The following ZNF704 variants were observed in gnomAD, a reference collection of about 807,000 sequenced individuals.
The protein encoded by ZNF704 is glucocorticoid induced gene 1.
In ZNF704, 10 loss-of-function variants were observed where a neutral mutation model predicts 44.7. The ratio of observed to expected loss-of-function variants is 0.22; its 90% CI spans 0.14 to 0.38. The LOEUF is 0.38. Among genes scored for constraint, ZNF704 ranks in the 10% least tolerant of loss-of-function variants. ZNF704 has a pLI of 1.00. For synonymous variants in ZNF704, 211 were observed against 207.6 expected (o/e 1.02, Z -0.14); for missense variants, 390 against 545.5 (o/e 0.71, Z 2.84).
chr8:80,641,625 TG>T (rs1048780584), intron 8 of ZNF704, 148 bp from the exon 9 acceptor site: 1 of 478,394 alleles, frequency 2.1e-6, no homozygotes, highest in African/African-American at 2.0e-5. Context: ...CCCAGCACTT[TG>T]GGAGGCTGAG....
intron 2 of ZNF704, among the ~76,000 whole-genome samples, chr8:80,739,186 T>C (rs1806714345): frequency 6.6e-6 from 1 of 152,184 alleles, no homozygotes; most frequent in African/African-American, 2.4e-5. Context: ...ACATAATAAG[T>C]CATTTTCTCC....
At chr8:80,859,420 G>T (rs570217682) in intron 1 of ZNF704, among the ~76,000 whole-genome samples, 31 of 152,304 alleles carry the variant, frequency 2.0e-4, no homozygotes, top group Middle Eastern at 6.8e-3. Context: ...AATGTGTTGT[G>T]ATAGTGGGAA....
At chr8:80,861,089 G>C (rs1809053718) in intron 1 of ZNF704, among the ~76,000 whole-genome samples, 2 of 152,190 alleles carry the variant, frequency 1.3e-5, no homozygotes, top group South Asian at 4.1e-4. Context: ...CCACAAGACT[G>C]TCTAGTAGCA....
intron 2 of ZNF704, among the ~76,000 whole-genome samples, chr8:80,802,185 C>A (rs1485141067): frequency 6.9e-6 from 1 of 144,814 alleles, no homozygotes; most frequent in Admixed American, 6.9e-5. Flanking sequence ...GTAATAAACG[C>A]CTACCAACCA....
intron 2 of ZNF704, among the ~76,000 whole-genome samples, chr8:80,708,075 A>G (rs1039639153): frequency 2.6e-5 from 4 of 152,222 alleles, no homozygotes; most frequent in African/African-American, 9.6e-5. Flanking sequence ...CTGTCAGTTC[A>G]TACAGCTCTT....
In ZNF704 at chr8:80,628,788, C is replaced by G. The variant is rs1817541571; in HGVS notation, c.*12578G>C. 1 of 152,204 alleles carries G rather than the reference C, an allele frequency of 6.6e-6. No individual in the cohort carries two copies. The highest frequency in any genetic ancestry group is 6.5e-5 in the Admixed American group (1 of 15,290). The allele number at this position is 152,204 out of a possible 1,614,324, so 9.4% of individuals were successfully genotyped here. ...CTTCTACTTAAATGCTTCCAGAGGA[C>G]CAGTGTAGCAAATCCTTAACTCTGG... On this transcript the variant is annotated 3_prime_UTR_variant, in exon 9 of 9. Transcript: ENST00000327835.
intron 2 of ZNF704, among the ~76,000 whole-genome samples, chr8:80,819,606 C>CTATGA (rs1261149143): frequency 6.6e-6 from 1 of 151,126 alleles, no homozygotes; most frequent in Non-Finnish European, 1.5e-5. Context: ...TGTCAGTTTC[C>CTATGA]TATGAGACAA....
At chr8:80,835,693 A>G (rs1008368809) in intron 1 of ZNF704, among the ~76,000 whole-genome samples, 5 of 152,180 alleles carry the variant, frequency 3.3e-5, no homozygotes, top group African/African-American at 1.2e-4. Flanking sequence ...CTTTCAGCTT[A>G]ATTTTTTCCG....
At position 80,687,440 on chromosome 8, in the gene ZNF704, C is replaced by A. The variant is rs1373759503; in HGVS notation, c.344G>T (p.Trp115Leu). The change falls in exon 4 of 9, where the codon TGG becomes TTG. Residue 115 changes from tryptophan (W) to leucine (L), a missense_variant. Physicochemically the swap from Trp to Leu is moderately conservative, Grantham distance 61. Around this residue, in one of 3 missense-constraint regions of ZNF704, gnomAD observed 305 missense variants for 435.7 expected, o/e 0.70. Transcript: ENST00000327835. ...GGAAGGCACGCAGCCGCCCTCCTTCCAGGATCCGCTGAGGCTCTCTGCATG... is the reference window on the plus strand; with the variant it reads ...GGAAGGCACGCAGCCGCCCTCCTTCAAGGATCCGCTGAGGCTCTCTGCATG... ...VRPNESLSGS[W>L]KEGGCVPSST... is the part of the protein sequence containing the mutation. 21 of 1,576,830 alleles carry A rather than the reference C, an allele frequency of 1.3e-5. No homozygotes were observed. Among genetic ancestry groups the A allele is most frequent in the Non-Finnish European group, 1.8e-5 (21 of 1,163,182 alleles).
chr8:80,792,510 C>G (rs534571278), intron 2 of ZNF704, among the ~76,000 whole-genome samples: 59 of 152,254 alleles, frequency 3.9e-4, no homozygotes, highest in South Asian at 8.3e-4. Flanking sequence ...TAGTGACCTG[C>G]TTCTAGCAAA....
chr8:80,874,155 G>A lies in ZNF704; in HGVS notation c.-22+416C>T, dbSNP rs1446650153. Among the ~76,000 whole-genome samples, 1 of 146,670 alleles carries A rather than the reference G, an allele frequency of 6.8e-6. No individual in the cohort carries two copies. The highest frequency in any genetic ancestry group is 1.5e-5 in the Non-Finnish European group (1 of 65,868). ...GGGCCGGGGACTCGCGGCCGCAAGG[G>A]GCTGCAGGAGCCGCCGGCCAGGACC... On this transcript the variant is annotated intron_variant, in intron 1 of 8. Transcript: ENST00000327835. This position sits in a 1 kb window ranked among gnomAD's most constrained non-coding sequence, Gnocchi z 4.4.
chr8:80,718,602 C>A (rs993927321), intron 2 of ZNF704, among the ~76,000 whole-genome samples: 1 of 152,170 alleles, frequency 6.6e-6, no homozygotes, highest in Non-Finnish European at 1.5e-5. Context: ...CACGCCTGGG[C>A]TGGCTTGCTG....
chr8:80,881,492 A>G, the ZNF704 span, among the ~76,000 whole-genome samples: 2 of 152,322 alleles, frequency 1.3e-5, no homozygotes, highest in East Asian at 3.9e-4. Context: ...CTATTAATAC[A>G]TAGCGTAAAA....
intron 2 of ZNF704, among the ~76,000 whole-genome samples, chr8:80,707,617 C>T (rs906950957): frequency 6.6e-6 from 1 of 152,156 alleles, no homozygotes; most frequent in Non-Finnish European, 1.5e-5. Context: ...ATAAAAATGG[C>T]AATTTCATAT....
intron 4 of ZNF704, among the ~76,000 whole-genome samples, chr8:80,679,109 C>G (rs576902782): frequency 1.3e-5 from 2 of 152,100 alleles, no homozygotes; most frequent in African/African-American, 4.8e-5. Flanking sequence ...TAAGGCTCTA[C>G]GGGTTAGGGT....
intron 2 of ZNF704, among the ~76,000 whole-genome samples, chr8:80,778,734 T>C (rs1387634398): frequency 1.3e-5 from 2 of 152,184 alleles, no homozygotes; most frequent in Non-Finnish European, 2.9e-5. Context: ...GGGGCCATCA[T>C]CCTTAGCAAA....
At chr8:80,791,121 T>C (rs942705125) in intron 2 of ZNF704, among the ~76,000 whole-genome samples, 20 of 152,018 alleles carry the variant, frequency 1.3e-4, no homozygotes, top group African/African-American at 4.6e-4. Flanking sequence ...TTATCAAGAG[T>C]AAGAAAATGA....
In ZNF704 at chr8:80,874,264, G is replaced by A. The variant is rs1475570582; in HGVS notation, c.-22+307C>T. ...GACGCCGGCGGCCGGCGGCTACGGC[G>A]GGGCGGCGCGGCGGCCGCGGGCGGG... On this transcript the variant is annotated intron_variant, in intron 1 of 8. Coordinates refer to ENST00000327835, the MANE Select transcript of ZNF704 (RefSeq NM_001033723.3). This position sits in a 1 kb window ranked among gnomAD's most constrained non-coding sequence, Gnocchi z 4.4. 2.1e-5 allele frequency among the ~76,000 whole-genome samples: 3 copies of A among 144,472 alleles called. No homozygotes were observed. Among genetic ancestry groups the A allele is most frequent in the Admixed American group, 6.8e-5 (1 of 14,656 alleles). 94.8% of individuals were successfully genotyped at this position (144,472 alleles called of 152,430 possible). A position where few individuals can be genotyped will look rare whatever the true frequency, so the allele number is the denominator to read the frequency against.
At chr8:80,864,646 TAC>T (rs1241483903) in intron 1 of ZNF704, among the ~76,000 whole-genome samples, 11 of 152,070 alleles carry the variant, frequency 7.2e-5, no homozygotes, top group African/African-American at 2.7e-4. Flanking sequence ...AGTTTAGAGG[TAC>T]ACTTTGGGCC....
Sources: allele counts gnomAD v4.1 joint callset (sites outside exome capture counted in the v4.1 genomes callset), GRCh38; gene constraint gnomAD v4.1.1; regional missense constraint gnomAD v4.1.1; non-coding constraint Gnocchi (gnomAD v3.1); transcripts MANE v1.5; gene names NCBI Gene and HGNC (gene_info 2026-07-23, HGNC 2026-07-21).